The following MTUS2 variants were observed in gnomAD, a reference collection of about 807,000 sequenced individuals.
MTUS2 encodes microtubule associated scaffold protein 2.
MTUS2 carries 40 observed loss-of-function variants against 114.1 expected under a neutral mutation model. The observed-to-expected ratio is 0.35, with a 90% confidence interval of 0.27 to 0.46. The LOEUF (loss-of-function observed/expected upper bound fraction) is 0.46. Among genes scored for constraint, MTUS2 ranks in the 20% least tolerant of loss-of-function variants. The pLI is 1.00. For missense variants in MTUS2, 1,679 were observed against 1,705.4 expected, an observed-to-expected ratio of 0.98 and a Z score of 0.27; for synonymous variants, 688 against 672.0, an observed-to-expected ratio of 1.02 and a Z score of -0.37.
intron 8 of MTUS2, among the ~76,000 whole-genome samples, chr13:29,399,458 T>A (rs1874161425): frequency 6.6e-6 from 1 of 152,180 alleles, no homozygotes; most frequent in Admixed American, 6.5e-5. Context: ...TTCAAACAAC[T>A]CTGACAGAAG....
Position 29,225,558 on chromosome 13 carries a change from TAGAA to T in MTUS2, c.2645-56142_2645-56139del, listed in dbSNP as rs768023042. Among the ~76,000 whole-genome samples the T allele has an allele frequency of 1.8e-4, 28 of 152,318 alleles. No homozygotes were observed. In the East Asian group the frequency reaches 3.3e-3, roughly 18 times the overall value. On this transcript the variant is annotated intron_variant, in intron 5 of 15. Coordinates refer to ENST00000612955, the MANE Select transcript of MTUS2 (RefSeq NM_001033602.4). The stretch of plus-strand genomic sequence containing the variant: ...GAAAGATTAATTTAAGAAAGATGAT[TAGAA>T]AGAGACATCTGAATAGTTTATCTGA...
At chr13:29,338,799 A>G (rs757854120) in intron 7 of MTUS2, among the ~76,000 whole-genome samples, 5 of 152,186 alleles carry the variant, frequency 3.3e-5, no homozygotes, top group East Asian at 1.9e-4. Context: ...TAACTATGCA[A>G]ACTGTGAAAG....
intron 2 of MTUS2, among the ~76,000 whole-genome samples, chr13:28,987,090 A>C (rs1451905043): frequency 1.3e-5 from 2 of 152,240 alleles, no homozygotes; most frequent in African/African-American, 2.4e-5. Flanking sequence ...CCCAAATCAC[A>C]GTTTTAAGTG....
intron 2 of MTUS2, among the ~76,000 whole-genome samples, chr13:28,983,170 T>C (rs1324103484): frequency 6.6e-6 from 1 of 152,196 alleles, no homozygotes; most frequent in Non-Finnish European, 1.5e-5. Context: ...ACAAGGCACC[T>C]ATGCAGTGGG....
At chr13:29,493,712 G>T (rs1419752127) in intron 12 of MTUS2, among the ~76,000 whole-genome samples, 1 of 152,172 alleles carries the variant, frequency 6.6e-6, no homozygotes, top group African/African-American at 2.4e-5. Context: ...ACCCCAGACT[G>T]CCTTCCTCGT....
chr13:29,055,080 AT>A (rs1204028459), intron 4 of MTUS2, among the ~76,000 whole-genome samples: 1 of 152,066 alleles, frequency 6.6e-6, no homozygotes, highest in East Asian at 1.9e-4. Flanking sequence ...AGTCCTTTAC[AT>A]TTTTATTATT....
intron 4 of MTUS2, among the ~76,000 whole-genome samples, chr13:29,046,841 C>T (rs950311063): frequency 1.3e-5 from 2 of 152,250 alleles, no homozygotes; most frequent in African/African-American, 4.8e-5. Context: ...AGAGGACTAA[C>T]TTTCTACAGA....
intron 8 of MTUS2, among the ~76,000 whole-genome samples, chr13:29,389,301 A>ATATGTATACACG (rs1301170889): frequency 3.7e-5 from 5 of 136,632 alleles, no homozygotes; most frequent in Non-Finnish European, 7.5e-5. Context: ...ATGTGTGTAT[A>ATATGTATACACG]TGTGTATATA....
chr13:28,945,295 G>A (rs1214258250), intron 2 of MTUS2, among the ~76,000 whole-genome samples: 1 of 35,454 alleles, frequency 2.8e-5, no homozygotes, highest in African/African-American at 5.4e-5. Flanking sequence ...ACGAGGGAAG[G>A]TATCTTCGAT....
chr13:29,008,369 C>T lies in MTUS2; in HGVS notation c.-242-16088C>T, dbSNP rs78368157. 7.9e-3 allele frequency among the ~76,000 whole-genome samples: 1,202 copies of T among 152,328 alleles called. 13 individuals carry two copies. The highest frequency in any genetic ancestry group is 0.028 in the African/African-American group (1,145 of 41,568). On this transcript the variant is annotated intron_variant, in intron 2 of 15. Coordinates refer to ENST00000612955, the MANE Select transcript of MTUS2 (RefSeq NM_001033602.4). Reference sequence around the variant, plus strand: ...AATCAACCAAGCACCTCAGGACCATCAGTCACATTTTTCTCGCTGGATCTA... The same window carrying T: ...AATCAACCAAGCACCTCAGGACCATTAGTCACATTTTTCTCGCTGGATCTA...
intron 8 of MTUS2, among the ~76,000 whole-genome samples, chr13:29,401,488 C>A (rs774807589): frequency 6.6e-6 from 1 of 152,114 alleles, no homozygotes; most frequent in Non-Finnish European, 1.5e-5. Context: ...CAAAAGTTTT[C>A]GTTTTTCTGT....
chr13:29,225,975 T>G (rs1896091886), intron 5 of MTUS2, among the ~76,000 whole-genome samples: 1 of 152,214 alleles, frequency 6.6e-6, no homozygotes, highest in Non-Finnish European at 1.5e-5. Flanking sequence ...GTAATCAACC[T>G]GGAATTGATA....
intron 9 of MTUS2, among the ~76,000 whole-genome samples, chr13:29,460,262 A>G (rs1879390268): frequency 6.6e-6 from 1 of 152,070 alleles, no homozygotes; most frequent in African/African-American, 2.4e-5. Flanking sequence ...TTTTCCTACA[A>G]GTGCTGTGCC....
intron 5 of MTUS2, among the ~76,000 whole-genome samples, chr13:29,161,355 T>C (rs1206800967): frequency 6.6e-6 from 1 of 151,958 alleles, no homozygotes; most frequent in Non-Finnish European, 1.5e-5. Context: ...AGTGATATAA[T>C]TGAAGGAAAA....
intron 8 of MTUS2, among the ~76,000 whole-genome samples, chr13:29,418,195 C>A (rs902011802): frequency 6.6e-6 from 1 of 152,080 alleles, no homozygotes; most frequent in Admixed American, 6.5e-5. Flanking sequence ...TTCTTTTCTC[C>A]CAGTGAACAG....
chr13:29,257,076 C>T (rs955177735), intron 5 of MTUS2, among the ~76,000 whole-genome samples: 4 of 152,204 alleles, frequency 2.6e-5, no homozygotes, highest in African/African-American at 9.6e-5. Flanking sequence ...TGCCCTGGGA[C>T]ACTGCTTAGC....
At chr13:29,002,882 A>C (rs4575377) in intron 2 of MTUS2, among the ~76,000 whole-genome samples, 2 of 152,086 alleles carry the variant, frequency 1.3e-5, no homozygotes, top group South Asian at 4.1e-4. Context: ...TTTATCTGGT[A>C]CACTTAGTTC....
chr13:29,047,039 G>A (rs937360744), intron 4 of MTUS2, among the ~76,000 whole-genome samples: 4 of 152,188 alleles, frequency 2.6e-5, no homozygotes, highest in East Asian at 1.9e-4. Context: ...GTGCTCTCAC[G>A]GTGACTGGCC....
At chr13:28,989,513 G>A (rs1015329444) in intron 2 of MTUS2, among the ~76,000 whole-genome samples, 3 of 152,248 alleles carry the variant, frequency 2.0e-5, no homozygotes, top group Non-Finnish European at 2.9e-5. Context: ...GGAGGTCGCA[G>A]GTTTGAAGAG....
Sources: gnomAD v4.1 joint callset for allele counts (sites outside exome capture counted in the v4.1 genomes callset) on GRCh38, gnomAD v4.1.1 for gene constraint, MANE v1.5 for transcripts, NCBI Gene and HGNC (gene_info 2026-07-23, HGNC 2026-07-21) for gene names.